Variants in DACH1 observed in about 807,000 individuals in gnomAD.
The protein encoded by DACH1 is dachshund family transcription factor 1.
In DACH1, 12 loss-of-function variants were observed where a neutral mutation model predicts 54.2. The observed-to-expected ratio is 0.22, with a 90% CI of 0.14 to 0.36. The LOEUF (loss-of-function observed/expected upper bound fraction) is 0.36, where lower values mean the gene tolerates loss of function less well. Ranked by LOEUF, DACH1 falls within the 10% of genes least tolerant of loss-of-function variation. The pLI is 1.00. For synonymous variants in DACH1, 386 were observed against 366.2 expected (o/e 1.05, Z -0.62); for missense variants, 805 against 929.8 (o/e 0.87, Z 1.75).
chr13:71,525,779 A>C, intron 6 of DACH1, among the ~76,000 whole-genome samples: 1 of 152,262 alleles, frequency 6.6e-6, no homozygotes, highest in Middle Eastern at 3.4e-3. Context: ...TTTAAGATTA[A>C]TAGTATTTTT....
intron 9 of DACH1, 151 bp from the exon 10 acceptor site, chr13:71,475,360 G>A: frequency 1.4e-6 from 1 of 718,816 alleles, no homozygotes; most frequent in Non-Finnish European, 2.3e-6. Context: ...GTAACCGTAA[G>A]AATTTTCGGA....
chr13:71,680,563 G>A (rs1027946223), intron 2 of DACH1, among the ~76,000 whole-genome samples: 6 of 152,076 alleles, frequency 3.9e-5, no homozygotes, highest in Admixed American at 1.3e-4. Context: ...ACGACTGAGC[G>A]ACTGCATTAC....
chr13:71,721,721 C>A (rs188866381), intron 1 of DACH1, among the ~76,000 whole-genome samples: 2 of 151,694 alleles, frequency 1.3e-5, no homozygotes, highest in Non-Finnish European at 1.5e-5. Flanking sequence ...TTATTTTGTG[C>A]GATATCATAA....
At chr13:71,471,318 G>C (rs933600417) in intron 10 of DACH1, among the ~76,000 whole-genome samples, 2 of 151,952 alleles carry the variant, frequency 1.3e-5, no homozygotes, top group African/African-American at 2.4e-5. Context: ...CTTGGGGAGA[G>C]GGGAGAGGAT....
chr13:71,592,239 C>T (rs1051943629), intron 3 of DACH1, among the ~76,000 whole-genome samples: 10 of 151,868 alleles, frequency 6.6e-5, no homozygotes, highest in African/African-American at 2.4e-4. Flanking sequence ...GGGCTGAGTG[C>T]CATGGCTCAT....
chr13:71,525,511 A>C (rs1438812489), intron 6 of DACH1, among the ~76,000 whole-genome samples: 3 of 152,162 alleles, frequency 2.0e-5, no homozygotes, highest in Non-Finnish European at 4.4e-5. Flanking sequence ...CAAAATTAAC[A>C]AATAAAGAGT....
chr13:71,475,276 G>C (rs546134485), intron 9 of DACH1, 67 bp from the exon 10 acceptor site: 8 of 1,276,672 alleles, frequency 6.3e-6, no homozygotes, highest in Non-Finnish European at 7.9e-6. Context: ...TAAAAAAAAA[G>C]AGCAACCTGT....
At chr13:71,845,058 T>TA (rs1413649669) in intron 1 of DACH1, among the ~76,000 whole-genome samples, 1 of 152,120 alleles carries the variant, frequency 6.6e-6, no homozygotes, top group Admixed American at 6.6e-5. Context: ...CACTGTAGGG[T>TA]ACCTATAGTT....
intron 6 of DACH1, among the ~76,000 whole-genome samples, chr13:71,527,992 G>A (rs1221970432): frequency 6.6e-6 from 1 of 151,826 alleles, no homozygotes; most frequent in Non-Finnish European, 1.5e-5. Flanking sequence ...TGATAACAAT[G>A]TTATGGGAAA....
At chr13:71,590,882 T>TC (rs1873661875) in intron 3 of DACH1, among the ~76,000 whole-genome samples, 1 of 139,440 alleles carries the variant, frequency 7.2e-6, no homozygotes, top group Admixed American at 7.2e-5. Context: ...TTTCTTTTTT[T>TC]TTTTTTTTTT....
chr13:71,671,797 G>A (rs993814908), intron 2 of DACH1, among the ~76,000 whole-genome samples: 1 of 152,104 alleles, frequency 6.6e-6, no homozygotes, highest in African/African-American at 2.4e-5. Context: ...TCTGTCAGAA[G>A]GAAAATTTGA....
chr13:71,855,401 T>C (rs1195358277), intron 1 of DACH1, among the ~76,000 whole-genome samples: 1 of 152,006 alleles, frequency 6.6e-6, no homozygotes, highest in Non-Finnish European at 1.5e-5. Flanking sequence ...TATGGAGAAG[T>C]AGGTCTTGAT....
chr13:71,688,119 C>G (rs1881275359), intron 1 of DACH1, among the ~76,000 whole-genome samples: 1 of 152,036 alleles, frequency 6.6e-6, no homozygotes, highest in Non-Finnish European at 1.5e-5. Context: ...TGATTATAAA[C>G]AAAAATATTA....
chr13:71,827,839 A>T (rs1888437845), intron 1 of DACH1, among the ~76,000 whole-genome samples: 2 of 152,062 alleles, frequency 1.3e-5, no homozygotes, highest in Non-Finnish European at 2.9e-5. Context: ...TAAATAGCAA[A>T]TCCTTCATTA....
At chr13:71,754,101 T>G (rs1885041022) in intron 1 of DACH1, among the ~76,000 whole-genome samples, 1 of 152,126 alleles carries the variant, frequency 6.6e-6, no homozygotes, top group Non-Finnish European at 1.5e-5. Flanking sequence ...TTTCCTCCAT[T>G]TTCTCTTTTT....
chr13:71,596,870 C>A (rs939050884), intron 3 of DACH1, among the ~76,000 whole-genome samples: 2 of 152,102 alleles, frequency 1.3e-5, no homozygotes. Context: ...AGGTATATAG[C>A]TAGGACTTTC....
At chr13:71,823,287 A>C (rs1037006814) in intron 1 of DACH1, among the ~76,000 whole-genome samples, 7 of 152,094 alleles carry the variant, frequency 4.6e-5, no homozygotes, top group African/African-American at 1.4e-4. Flanking sequence ...ATTAAGACAA[A>C]GGAAAGGGTC....
intron 1 of DACH1, among the ~76,000 whole-genome samples, chr13:71,748,894 CTT>C (rs1491197504): frequency 0.017 from 1,507 of 86,656 alleles, 50 homozygotes; most frequent in African/African-American, 0.079. Flanking sequence ...TTCTTTCTTT[CTT>C]TCTCTTTCTT....
chr13:71,667,038 A>G (rs1257772522), intron 2 of DACH1, among the ~76,000 whole-genome samples: 1 of 152,108 alleles, frequency 6.6e-6, no homozygotes, highest in African/African-American at 2.4e-5. Flanking sequence ...GTCAAATTTT[A>G]TGTACAGTTT....
Sources: allele counts gnomAD v4.1 joint callset (sites outside exome capture counted in the v4.1 genomes callset), GRCh38; gene constraint gnomAD v4.1.1; transcripts MANE v1.5; gene names NCBI Gene and HGNC (gene_info 2026-07-23, HGNC 2026-07-21).